KCTD16: variants seen among roughly 807,000 people sequenced by gnomAD.
The protein encoded by KCTD16 is BTB/POZ domain-containing protein KCTD16.
KCTD16 carries 13 observed loss-of-function variants against 33.2 expected under a neutral mutation model. That is an observed-to-expected ratio of 0.39 (90% CI 0.25 to 0.62). KCTD16 has a LOEUF of 0.62. Among genes scored for constraint, KCTD16 ranks in the 20% least tolerant of loss-of-function variants. The pLI is 0.50. For missense variants in KCTD16, 441 were observed against 525.1 expected (o/e 0.84, Z 1.57); for synonymous variants, 197 against 195.3 (o/e 1.01, Z -0.07).
At chr5:144,314,127 A>G (rs1751842861) in intron 3 of KCTD16, among the ~76,000 whole-genome samples, 1 of 152,146 alleles carries the variant, frequency 6.6e-6, no homozygotes, top group Non-Finnish European at 1.5e-5. Context: ...TTTCCTCCTC[A>G]CTTTCATTTC....
At chr5:144,288,840 TG>T (rs1755819014) in intron 3 of KCTD16, among the ~76,000 whole-genome samples, 1 of 152,092 alleles carries the variant, frequency 6.6e-6, no homozygotes, top group Admixed American at 6.5e-5. Context: ...GGTGCATGCC[TG>T]TAATCCCAGC....
At chr5:144,419,659 A>G (rs1304667615) in intron 3 of KCTD16, among the ~76,000 whole-genome samples, 2 of 152,194 alleles carry the variant, frequency 1.3e-5, no homozygotes, top group Non-Finnish European at 2.9e-5. Context: ...ATAGACCAGC[A>G]CTTTCCACTA....
chr5:144,304,858 G>T (rs1751554618), intron 3 of KCTD16, among the ~76,000 whole-genome samples: 4 of 152,024 alleles, frequency 2.6e-5, no homozygotes, highest in Admixed American at 2.6e-4. Flanking sequence ...CTTCTCATTA[G>T]CACCACCTTT....
chr5:144,309,866 G>A (rs1352130957), intron 3 of KCTD16, among the ~76,000 whole-genome samples: 1 of 151,934 alleles, frequency 6.6e-6, no homozygotes, highest in Non-Finnish European at 1.5e-5. Flanking sequence ...AAGCAGAAGG[G>A]TGGGTGGGGG....
At chr5:144,462,078 C>T (rs1446210409) in intron 3 of KCTD16, among the ~76,000 whole-genome samples, 2 of 152,140 alleles carry the variant, frequency 1.3e-5, no homozygotes, top group Non-Finnish European at 2.9e-5. Context: ...TTGTCATGGC[C>T]TACCCTGGCA....
chr5:144,416,903 C>T (rs962032285), intron 3 of KCTD16, among the ~76,000 whole-genome samples: 1 of 152,090 alleles, frequency 6.6e-6, no homozygotes, highest in Non-Finnish European at 1.5e-5. Flanking sequence ...CTTTTTTCCC[C>T]TAACATAATG....
intron 3 of KCTD16, among the ~76,000 whole-genome samples, chr5:144,307,061 G>C (rs759280000): frequency 2.6e-5 from 4 of 152,064 alleles, no homozygotes; most frequent in Non-Finnish European, 4.4e-5. Context: ...TCTGACACTA[G>C]CCCACCTTTC....
intron 3 of KCTD16, among the ~76,000 whole-genome samples, chr5:144,387,784 T>G (rs1414922284): frequency 6.6e-6 from 1 of 152,132 alleles, no homozygotes; most frequent in East Asian, 1.9e-4. Context: ...TGCTGCCAGG[T>G]GGACACAGCT....
chr5:144,369,593 A>G (rs1355269371), intron 3 of KCTD16, among the ~76,000 whole-genome samples: 2 of 152,162 alleles, frequency 1.3e-5, no homozygotes, highest in African/African-American at 4.8e-5. Context: ...CTTTAAGACT[A>G]ATGTCCTATA....
At chr5:144,368,887 C>A (rs991956501) in intron 3 of KCTD16, among the ~76,000 whole-genome samples, 1 of 152,100 alleles carries the variant, frequency 6.6e-6, no homozygotes, top group Non-Finnish European at 1.5e-5. Context: ...TACGCTAATT[C>A]GTTCAAAATA....
chr5:144,361,876 T>C (rs1397743476), intron 3 of KCTD16, among the ~76,000 whole-genome samples: 1 of 151,878 alleles, frequency 6.6e-6, no homozygotes, highest in Non-Finnish European at 1.5e-5. Flanking sequence ...TTTATATATT[T>C]TACTTTGTTG....
At chr5:144,351,468 G>A (rs937667105) in intron 3 of KCTD16, among the ~76,000 whole-genome samples, 3 of 152,002 alleles carry the variant, frequency 2.0e-5, no homozygotes, top group African/African-American at 4.8e-5. Context: ...AAGTTAGTAC[G>A]GCTATTATGG....
intron 3 of KCTD16, among the ~76,000 whole-genome samples, chr5:144,221,859 T>G (rs563265174): frequency 3.9e-5 from 6 of 152,366 alleles, no homozygotes; most frequent in African/African-American, 1.4e-4. Flanking sequence ...TCCACAATGG[T>G]TGAACTAATT....
At chr5:144,176,491 T>C (rs932686881) in intron 2 of KCTD16, among the ~76,000 whole-genome samples, 1 of 147,738 alleles carries the variant, frequency 6.8e-6, no homozygotes, top group Non-Finnish European at 1.5e-5. Flanking sequence ...CAAGCTCCGC[T>C]TCCCGGGTTC....
intron 2 of KCTD16, among the ~76,000 whole-genome samples, chr5:144,185,956 A>G (rs929071110): frequency 6.6e-6 from 1 of 152,132 alleles, no homozygotes; most frequent in Non-Finnish European, 1.5e-5. Flanking sequence ...CTGAGGTGCA[A>G]AAGTTTCTGG....
chr5:144,314,023 C>T (rs1208867078), intron 3 of KCTD16, among the ~76,000 whole-genome samples: 1 of 152,096 alleles, frequency 6.6e-6, no homozygotes, highest in Non-Finnish European at 1.5e-5. Context: ...ACAGTGGTAA[C>T]TAGTGGATTT....
chr5:144,475,935 A>G lies in KCTD16; in HGVS notation c.*1821A>G, dbSNP rs1436846612. 1 of 152,242 alleles carries G rather than the reference A, an allele frequency of 6.6e-6. No individual in the cohort carries two copies. The highest frequency in any genetic ancestry group is 1.5e-5 in the Non-Finnish European group (1 of 68,036). The allele number at this position is 152,242 out of a possible 1,614,324, so 9.4% of individuals were successfully genotyped here. A position where few individuals can be genotyped will look rare whatever the true frequency, so the allele number is the denominator to read the frequency against. On this transcript the variant is annotated 3_prime_UTR_variant, in exon 4 of 4. Transcript: ENST00000512467. ...AGGTTTGAATGGAGTTGAAAGTTTT[A>G]CATAAGTGAAAAAGAAAGTTTATCT...
In KCTD16 at chr5:144,485,634, C is replaced by A. The variant is rs562741613; in HGVS notation, c.*11520C>A. ...TTTTATGTGTTTCCATAAATGACTC[C>A]ATTTCATATGCATTGTAATTTAGCA... is the stretch of plus-strand genomic sequence containing the variant. On this transcript the variant is annotated 3_prime_UTR_variant, in exon 4 of 4. Transcript: ENST00000512467. 1.3e-4 allele frequency: 19 copies of A among 151,968 alleles called. No homozygotes were observed. The highest frequency in any genetic ancestry group is 4.6e-4 in the African/African-American group (19 of 41,512). 9.4% of individuals were successfully genotyped at this position (151,968 alleles called of 1,614,324 possible). A position where few individuals can be genotyped will look rare whatever the true frequency, so the allele number is the denominator to read the frequency against.
intron 1 of KCTD16, among the ~76,000 whole-genome samples, chr5:144,171,287 G>C (rs1009789826): frequency 2.6e-5 from 4 of 152,156 alleles, no homozygotes; most frequent in Non-Finnish European, 4.4e-5. Flanking sequence ...GCCACTATAA[G>C]AGGGTTATCA....
Sources: gnomAD v4.1 joint callset for allele counts (sites outside exome capture counted in the v4.1 genomes callset) on GRCh38, gnomAD v4.1.1 for gene constraint, MANE v1.5 for transcripts, NCBI Gene and HGNC (gene_info 2026-07-23, HGNC 2026-07-21) for gene names.